Variants in USP20 observed in about 807,000 individuals in gnomAD.
The protein encoded by USP20 is ubiquitin specific peptidase 20.
USP20 carries 80 observed loss-of-function variants against 124.2 expected under a neutral mutation model. The ratio of observed to expected loss-of-function variants is 0.64; its 90% CI spans 0.54 to 0.78. The LOEUF (loss-of-function observed/expected upper bound fraction) is 0.78. USP20 is among the 30% of genes least tolerant of loss of function. USP20 has a pLI of 0.00. For synonymous variants in USP20, 481 were observed against 512.3 expected (o/e 0.94, Z 0.83); for missense variants, 1,043 against 1,244.4 (o/e 0.84, Z 2.44).
rs536807743 is a variant in USP20, at chr9:129,861,163, A to G, written c.427+130A>G. 1.9e-5 allele frequency: 17 copies of G among 888,720 alleles called. No individual in the cohort carries two copies. The African/African-American group carries it at 2.3e-4, about 12-fold the overall frequency. 55.1% of individuals were successfully genotyped at this position (888,720 alleles called of 1,614,324 possible). A position where few individuals can be genotyped will look rare whatever the true frequency, so the allele number is the denominator to read the frequency against. The stretch of plus-strand genomic sequence containing the variant: ...GGCAAGGAAGGATGGGGTGACGGAT[A>G]AGCTGTTTAGCATGGTGGCTTCACC... On this transcript the variant is annotated intron_variant, in intron 7 of 25. Transcript: ENST00000372429.
In USP20 at chr9:129,859,255, A is replaced by ATTTTATTTTATTTTATTTTAT; in HGVS notation, c.330+660_330+661insTATTTTATTTTATTTTATTTT. Among the ~76,000 whole-genome samples the ATTTTATTTTATTTTATTTTAT allele has an allele frequency of 1.2e-4, 8 of 69,326 alleles. 3 individuals carry two copies. The highest frequency in any genetic ancestry group is 2.3e-4 in the Non-Finnish European group (7 of 30,928). The allele number at this position is 69,326 out of a possible 152,430, so 45.5% of individuals were successfully genotyped here. A position where few individuals can be genotyped will look rare whatever the true frequency, so the allele number is the denominator to read the frequency against. On this transcript the variant is annotated intron_variant, in intron 6 of 25. Transcript: ENST00000372429. Reference sequence around the variant, plus strand: ...CAGCATCTGCATGGCTCTCTCCTCCATTTATTTTATTTTATTTTATTTTAT... The same window carrying ATTTTATTTTATTTTATTTTAT: ...CAGCATCTGCATGGCTCTCTCCTCCATTTTATTTTATTTTATTTTATTTTATTTTATTTTATTTTATTTTAT...
rs1469983464 is a variant in USP20 at position 129,869,794 on chromosome 9, C to T, written c.1515C>T (p.Asp505=). Residue 505 remains aspartate, a synonymous_variant, in exon 14 of 26, where the codon GAC becomes GAT. Coordinates refer to ENST00000372429, the MANE Select transcript of USP20 (RefSeq NM_001110303.4). ...CGGCCAAGCCAGGCGCCTGTGGGGA[C>T]AGCTATGCCGCCCAGGGCTGGCTGG... ...NVPAKPGACG[D]SYAAQGWLAF... The T allele has an allele frequency of 3.1e-6, 5 of 1,613,900 alleles. No homozygotes were observed. Among genetic ancestry groups the T allele is most frequent in the Middle Eastern group, 1.6e-4 (1 of 6,082 alleles).
At chr9:129,838,035 GACA>G (rs1367260659) in intron 1 of USP20, among the ~76,000 whole-genome samples, 2 of 147,664 alleles carry the variant, frequency 1.4e-5, no homozygotes. Flanking sequence ...CATGCACGTT[GACA>G]ACAATTTTTT....
chr9:129,872,962 A>G (rs1197723151), intron 15 of USP20, among the ~76,000 whole-genome samples: 3 of 150,616 alleles, frequency 2.0e-5, no homozygotes, highest in Non-Finnish European at 2.9e-5. Context: ...ATGTTGAAGT[A>G]TTTCTGGGGT....
intron 8 of USP20, among the ~76,000 whole-genome samples, chr9:129,862,123 A>G (rs1333759310): frequency 2.9e-5 from 1 of 34,268 alleles, no homozygotes; most frequent in Non-Finnish European, 8.9e-5. Context: ...AGTGGAGGTT[A>G]GAGATGCAGT....
chr9:129,869,415 C>T lies in USP20; in HGVS notation c.1382C>T (p.Thr461Ile). 1 of 1,613,576 alleles carries T rather than the reference C, an allele frequency of 6.2e-7. No homozygotes were observed. The highest frequency in any genetic ancestry group is 8.5e-7 in the Non-Finnish European group (1 of 1,179,934). The change falls in exon 13 of 26, where the codon ACC becomes ATC. Residue 461 changes from threonine to isoleucine, a missense_variant. Coordinates refer to ENST00000372429, the MANE Select transcript of USP20 (RefSeq NM_001110303.4). ...GSILSLVQCL[T>I]CDRVSTTVET... is the part of the protein sequence containing the mutation. Reference sequence around the variant, plus strand: ...ATTCTCAGCCTTGTGCAGTGTCTCACCTGTGACCGGGTGGGTGCCCCAGGG... The same window carrying T: ...ATTCTCAGCCTTGTGCAGTGTCTCATCTGTGACCGGGTGGGTGCCCCAGGG...
intron 1 of USP20, among the ~76,000 whole-genome samples, chr9:129,836,978 GC>G (rs3841453): frequency 0.19 from 28,534 of 152,076 alleles, 3,201 homozygotes; most frequent in South Asian, 0.26. Context: ...TAAGGAAAGG[GC>G]AAGAAGGCCA....
intron 6 of USP20, among the ~76,000 whole-genome samples, chr9:129,859,610 A>G (rs1399509526): frequency 2.6e-5 from 4 of 152,098 alleles, no homozygotes; most frequent in African/African-American, 4.8e-5. Flanking sequence ...ATAGGGCTCA[A>G]TATTGCTCAA....
At chr9:129,880,428 A>G in intron 25 of USP20, 39 bp from the exon 26 acceptor site, 15 of 1,048,456 alleles carry the variant, frequency 1.4e-5, no homozygotes, top group Non-Finnish European at 1.9e-5. Flanking sequence ...GGCCCTGGAC[A>G]TGGCCCGGCC....
At chr9:129,846,245 A>T (rs56786075) in intron 1 of USP20, among the ~76,000 whole-genome samples, 6,611 of 42,344 alleles carry the variant, frequency 0.16, 804 homozygotes, top group East Asian at 0.42. Flanking sequence ...ATATATATAT[A>T]TATTTTTTTT....
intron 15 of USP20, 82 bp from the exon 16 acceptor site, chr9:129,873,400 G>C: frequency 6.5e-7 from 1 of 1,550,088 alleles, no homozygotes; most frequent in Non-Finnish European, 8.9e-7. Context: ...TATTTCTTAA[G>C]CAGAAATCAT....
intron 2 of USP20, among the ~76,000 whole-genome samples, chr9:129,851,258 C>CTTTTTTTTT (rs35791819): frequency 9.5e-5 from 12 of 126,238 alleles, no homozygotes; most frequent in African/African-American, 3.2e-4. Flanking sequence ...ATAACACATA[C>CTTTTTTTTT]TTTTTTTTTT....
At chr9:129,870,305 T>C in intron 14 of USP20, 148 bp from the exon 15 acceptor site, 1 of 757,910 alleles carries the variant, frequency 1.3e-6, no homozygotes, top group Non-Finnish European at 2.2e-6. Context: ...GCTCCAGGCC[T>C]CTGCCCCGAC....
intron 23 of USP20, among the ~76,000 whole-genome samples, 164 bp downstream of exon 23, chr9:129,878,604 C>T (rs1186535396): frequency 1.3e-5 from 2 of 152,192 alleles, no homozygotes; most frequent in Non-Finnish European, 2.9e-5. Flanking sequence ...TGCCAGTCCC[C>T]AGTGGGGATC....
intron 3 of USP20, among the ~76,000 whole-genome samples, chr9:129,853,945 T>C (rs4269640): frequency 0.87 from 132,504 of 152,098 alleles, 58,192 homozygotes; most frequent in East Asian, 1. Context: ...CAGCTCCTCT[T>C]TGGGTATCCA....
intron 22 of USP20, 50 bp from the exon 23 acceptor site, chr9:129,878,288 A>G (rs866724878): frequency 4.1e-6 from 6 of 1,464,202 alleles, no homozygotes; most frequent in Middle Eastern, 1.7e-4. Flanking sequence ...CTGAAGGTAA[A>G]TAGAGACTGA....
chr9:129,861,902 C>T (rs2033569036), intron 8 of USP20, among the ~76,000 whole-genome samples: 1 of 152,148 alleles, frequency 6.6e-6, no homozygotes, highest in Non-Finnish European at 1.5e-5. Context: ...TCTCATAGCC[C>T]TTGCAGCAAG....
At chr9:129,850,398 G>A (rs535019150) in intron 2 of USP20, among the ~76,000 whole-genome samples, 2 of 152,302 alleles carry the variant, frequency 1.3e-5, no homozygotes, top group African/African-American at 4.8e-5. Flanking sequence ...CTGTTCCTTA[G>A]TCTGTGAAAT....
intron 3 of USP20, among the ~76,000 whole-genome samples, chr9:129,856,092 G>A (rs1403847116): frequency 6.6e-6 from 1 of 152,222 alleles, no homozygotes; most frequent in Non-Finnish European, 1.5e-5. Context: ...ACAGGCACAG[G>A]ATAGAATTCA....
Sources: gnomAD v4.1 joint callset for allele counts (sites outside exome capture counted in the v4.1 genomes callset) on GRCh38, gnomAD v4.1.1 for gene constraint, MANE v1.5 for transcripts, NCBI Gene and HGNC (gene_info 2026-07-23, HGNC 2026-07-21) for gene names.